Variants in GAS2 observed in about 807,000 individuals in gnomAD.
GAS2 encodes the protein growth arrest-specific protein 2.
A neutral mutation model predicts 37.5 loss-of-function variants in GAS2; 20 were observed. That is an observed-to-expected ratio of 0.53 (90% CI 0.37 to 0.77). The LOEUF (loss-of-function observed/expected upper bound fraction) is 0.77, where lower values mean the gene tolerates loss of function less well. GAS2 is among the 30% of genes least tolerant of loss of function. The pLI, the probability that GAS2 is intolerant of heterozygous loss-of-function variation, is 0.00. For synonymous variants in GAS2, 144 were observed against 132.2 expected (o/e 1.09, Z -0.61); for missense variants, 336 against 373.4 (o/e 0.90, Z 0.82).
At position 22,685,694 on chromosome 11, in the gene GAS2, A is replaced by G. The variant is rs1421001628; in HGVS notation, c.172A>G (p.Met58Val). 5 of 1,613,586 alleles carry G rather than the reference A, an allele frequency of 3.1e-6. No homozygotes were observed. The highest frequency in any genetic ancestry group is 4.2e-6 in the Non-Finnish European group (5 of 1,179,790). The change falls in exon 3 of 8, where the codon ATG becomes GTG. Residue 58 changes from methionine to valine, a missense_variant. Transcript: ENST00000454584. ...LGKEITAETF[M>V]EKLDNGALLC... ...GAAGGAGATTACAGCAGAAACTTTT[A>G]TGGAGAAGTTGGACAATGGTGCCTT... is the stretch of plus-strand genomic sequence containing the variant.
intron 7 of GAS2, among the ~76,000 whole-genome samples, chr11:22,810,578 T>G (rs1002800573): frequency 6.6e-6 from 1 of 152,216 alleles, no homozygotes; most frequent in African/African-American, 2.4e-5. Flanking sequence ...ATAAATCAAA[T>G]AGCTTTAATT....
intron 7 of GAS2, among the ~76,000 whole-genome samples, chr11:22,806,344 T>A (rs1856884881): frequency 2.0e-5 from 3 of 152,144 alleles, no homozygotes; most frequent in African/African-American, 7.2e-5. Flanking sequence ...TGCCCATTCA[T>A]CCATTAACGG....
chr11:22,699,101 A>T (rs1850694858), intron 3 of GAS2, among the ~76,000 whole-genome samples: 1 of 152,060 alleles, frequency 6.6e-6, no homozygotes. Flanking sequence ...TTTCTATTCC[A>T]CAGTTGTGTT....
At chr11:22,736,034 A>C (rs142152021) in intron 4 of GAS2, among the ~76,000 whole-genome samples, 11 of 151,882 alleles carry the variant, frequency 7.2e-5, no homozygotes, top group African/African-American at 2.6e-4. Flanking sequence ...AATCAGAAAA[A>C]AATTGATGAT....
At chr11:22,761,073 C>G (rs1854369101) in intron 7 of GAS2, among the ~76,000 whole-genome samples, 1 of 152,108 alleles carries the variant, frequency 6.6e-6, no homozygotes, top group Non-Finnish European at 1.5e-5. Context: ...ACTATTTTCT[C>G]TCTCCATTTT....
At chr11:22,798,812 GGCAAACTAT>G (rs1856541045) in intron 7 of GAS2, among the ~76,000 whole-genome samples, 2 of 151,956 alleles carry the variant, frequency 1.3e-5, no homozygotes, top group Admixed American at 1.3e-4. Context: ...CTTTCAACAT[GGCAAACTAT>G]CCATGGAACA....
intron 7 of GAS2, among the ~76,000 whole-genome samples, chr11:22,787,244 C>G (rs7941671): frequency 0.37 from 56,468 of 151,900 alleles, 10,648 homozygotes; most frequent in Non-Finnish European, 0.38. Flanking sequence ...TGCTGTGTGA[C>G]CCTGGACAGG....
intron 2 of GAS2, among the ~76,000 whole-genome samples, chr11:22,682,533 AAGAG>A (rs1199404375): frequency 2.0e-5 from 3 of 152,196 alleles, no homozygotes; most frequent in African/African-American, 7.2e-5. Flanking sequence ...CATTATAATT[AAGAG>A]AATTATTTCT....
At chr11:22,762,951 G>A (rs780293881) in intron 7 of GAS2, among the ~76,000 whole-genome samples, 6 of 152,054 alleles carry the variant, frequency 3.9e-5, no homozygotes, top group East Asian at 3.9e-4. Context: ...CTGGTATTAC[G>A]TCAAGACATT....
In GAS2 at chr11:22,666,825, C is replaced by G. The variant is rs1047522610; in HGVS notation, c.-95C>G. On this transcript the variant is annotated 5_prime_UTR_variant, in exon 1 of 8. Transcript: ENST00000454584. Reference sequence around the variant, plus strand: ...ACCTGTGCCTGGAGGGGGCCGGCCCCGAGAAGCTGCAGGAGCCCAGCCCGG... The same window carrying G: ...ACCTGTGCCTGGAGGGGGCCGGCCCGGAGAAGCTGCAGGAGCCCAGCCCGG... The G allele has an allele frequency of 7.2e-5, 11 of 152,634 alleles. No individual in the cohort carries two copies. Among genetic ancestry groups the G allele is most frequent in the African/African-American group, 2.7e-4 (11 of 41,458 alleles). The allele number at this position is 152,634 out of a possible 1,614,324, so 9.5% of individuals were successfully genotyped here. A position where few individuals can be genotyped will look rare whatever the true frequency, so the allele number is the denominator to read the frequency against.
intron 4 of GAS2, among the ~76,000 whole-genome samples, chr11:22,729,154 G>T (rs1446424558): frequency 6.6e-6 from 1 of 151,796 alleles, no homozygotes; most frequent in Non-Finnish European, 1.5e-5. Context: ...CGGGAAAAAT[G>T]TGTTTGAATG....
chr11:22,651,855 T>G (rs1255802956), intron 1 of GAS2, among the ~76,000 whole-genome samples: 2 of 152,154 alleles, frequency 1.3e-5, no homozygotes, highest in Non-Finnish European at 2.9e-5. Flanking sequence ...TTCTTTGCCT[T>G]TGGTTTGAAT....
At chr11:22,687,746 GA>G (rs1450790293) in intron 3 of GAS2, among the ~76,000 whole-genome samples, 1 of 152,170 alleles carries the variant, frequency 6.6e-6, no homozygotes, top group African/African-American at 2.4e-5. Context: ...AGCTACTGAT[GA>G]AAAAATATAA....
chr11:22,784,746 G>A (rs1000585456), intron 7 of GAS2, among the ~76,000 whole-genome samples: 1 of 152,148 alleles, frequency 6.6e-6, no homozygotes, highest in African/African-American at 2.4e-5. Context: ...GTTCTCATAA[G>A]TAGCCTAAAT....
At chr11:22,727,765 C>T (rs1035134996) in intron 4 of GAS2, among the ~76,000 whole-genome samples, 3 of 151,888 alleles carry the variant, frequency 2.0e-5, no homozygotes, top group Non-Finnish European at 2.9e-5. Context: ...AAGATGTGTG[C>T]GTACATAGAT....
chr11:22,809,984 C>T (rs1251885568), intron 7 of GAS2, among the ~76,000 whole-genome samples: 1 of 152,018 alleles, frequency 6.6e-6, no homozygotes, highest in Admixed American at 6.6e-5. Flanking sequence ...TGAAGACTTC[C>T]AGCTGGAAGA....
chr11:22,629,884 C>T (rs1196792002), intron 1 of GAS2, among the ~76,000 whole-genome samples: 1 of 152,050 alleles, frequency 6.6e-6, no homozygotes, highest in East Asian at 1.9e-4. Context: ...ATCTTTGCCT[C>T]GGTCAGTGTC....
At chr11:22,746,213 A>G (rs1044884159) in intron 5 of GAS2, among the ~76,000 whole-genome samples, 31 of 151,994 alleles carry the variant, frequency 2.0e-4, no homozygotes, top group Admixed American at 1.0e-3. Context: ...CAAAAAACCC[A>G]TCAGTTACTG....
At chr11:22,735,406 C>T (rs955270037) in intron 4 of GAS2, among the ~76,000 whole-genome samples, 5 of 151,512 alleles carry the variant, frequency 3.3e-5, no homozygotes, top group African/African-American at 1.2e-4. Flanking sequence ...TAGCATTTTC[C>T]TAAGAAATGA....
Sources: allele counts gnomAD v4.1 joint callset (sites outside exome capture counted in the v4.1 genomes callset), GRCh38; gene constraint gnomAD v4.1.1; transcripts MANE v1.5; gene names NCBI Gene and HGNC (gene_info 2026-07-23, HGNC 2026-07-21).